Variants in MIR2052HG observed in about 807,000 individuals in gnomAD.
MIR2052HG encodes MIR2052 host gene.
At chr8:74,634,971 T>C (rs1393078061) in intron 2 of MIR2052HG, among the ~76,000 whole-genome samples, 1 of 152,136 alleles carries the variant, frequency 6.6e-6, no homozygotes, top group African/African-American at 2.4e-5. Context: ...AGAAGGAAAA[T>C]GTATATTCAT....
At chr8:74,704,118 A>AT (rs200287138) in intron 4 of MIR2052HG, among the ~76,000 whole-genome samples, 19 of 151,660 alleles carry the variant, frequency 1.3e-4, no homozygotes, top group Non-Finnish European at 1.8e-4. Flanking sequence ...TAGATCTGTG[A>AT]TTTTTTTTCT....
intron 2 of MIR2052HG, among the ~76,000 whole-genome samples, chr8:74,701,031 A>G (rs998588334): frequency 2.0e-5 from 3 of 152,152 alleles, no homozygotes; most frequent in Non-Finnish European, 4.4e-5. Context: ...AATACAGTAT[A>G]AGAGCACTTT....
chr8:74,614,156 G>T (rs777979747), intron 2 of MIR2052HG, among the ~76,000 whole-genome samples: 1 of 152,296 alleles, frequency 6.6e-6, no homozygotes, highest in African/African-American at 2.4e-5. Flanking sequence ...CTTGGAAACA[G>T]TGGCAACAGT....
At chr8:74,753,232 C>T (rs900206583) in intron 5 of MIR2052HG, among the ~76,000 whole-genome samples, 3 of 152,170 alleles carry the variant, frequency 2.0e-5, no homozygotes, top group Non-Finnish European at 4.4e-5. Flanking sequence ...ATTAAGTCTT[C>T]GTTACACCAA....
intron 5 of MIR2052HG, chr8:74,756,538 G>A (rs971635763): frequency 8.5e-5 from 13 of 152,272 alleles, no homozygotes; most frequent in African/African-American, 3.1e-4. Flanking sequence ...TGTGAAATAG[G>A]TATTTTTCAT....
At chr8:74,684,729 T>A (rs1809161801) in intron 2 of MIR2052HG, among the ~76,000 whole-genome samples, 1 of 152,160 alleles carries the variant, frequency 6.6e-6, no homozygotes, top group Non-Finnish European at 1.5e-5. Context: ...ATCACTAAGG[T>A]GGTAGAAATC....
At chr8:74,709,867 TG>T (rs1809448844) in intron 4 of MIR2052HG, among the ~76,000 whole-genome samples, 2 of 152,196 alleles carry the variant, frequency 1.3e-5, no homozygotes, top group African/African-American at 4.8e-5. Context: ...CTTGTATTTT[TG>T]TATGGATTTT....
chr8:74,656,746 C>T (rs995722529), intron 2 of MIR2052HG, among the ~76,000 whole-genome samples: 1 of 152,188 alleles, frequency 6.6e-6, no homozygotes, highest in African/African-American at 2.4e-5. Context: ...GGCAAGGTGA[C>T]TGTACCAGAG....
intron 1 of MIR2052HG, among the ~76,000 whole-genome samples, chr8:74,600,383 G>A (rs1236316764): frequency 2.0e-5 from 3 of 151,046 alleles, no homozygotes; most frequent in Non-Finnish European, 3.0e-5. Flanking sequence ...TCAGGAGTTC[G>A]AGACTAGCTG....
intron 1 of MIR2052HG, among the ~76,000 whole-genome samples, chr8:74,601,234 C>A (rs1334699519): frequency 3.9e-5 from 6 of 152,230 alleles, no homozygotes; most frequent in Non-Finnish European, 5.9e-5. Flanking sequence ...TACCATTTGT[C>A]TGTAATCATT....
At chr8:74,678,147 A>G (rs559012334) in intron 2 of MIR2052HG, among the ~76,000 whole-genome samples, 14 of 152,226 alleles carry the variant, frequency 9.2e-5, no homozygotes, top group Non-Finnish European at 1.9e-4. Flanking sequence ...TTAATTGAAT[A>G]CCTAGTAAAA....
exon 2 of MIR2052HG, chr8:74,612,889 C>A (rs1334287801): frequency 2.2e-6 from 1 of 456,168 alleles, no homozygotes; most frequent in South Asian, 1.5e-5. Context: ...ACAAAGGTGG[C>A]AGCTTTGGAG....
chr8:74,723,037 A>G (rs1318428280), intron 4 of MIR2052HG, among the ~76,000 whole-genome samples: 1 of 152,210 alleles, frequency 6.6e-6, no homozygotes, highest in African/African-American at 2.4e-5. Context: ...TCAGCTCTTG[A>G]ATTTCATGAT....
intron 2 of MIR2052HG, among the ~76,000 whole-genome samples, chr8:74,691,573 A>T (rs1484160336): frequency 6.6e-6 from 1 of 152,174 alleles, no homozygotes; most frequent in Non-Finnish European, 1.5e-5. Flanking sequence ...AGCTGCGAAC[A>T]ATGTTTAAAC....
At chr8:74,668,184 G>T (rs16938934) in intron 2 of MIR2052HG, among the ~76,000 whole-genome samples, 16,420 of 151,340 alleles carry the variant, frequency 0.11, 2,064 homozygotes, top group African/African-American at 0.31. Flanking sequence ...CATTGCTTTT[G>T]CCAGAGTGCA....
intron 4 of MIR2052HG, among the ~76,000 whole-genome samples, chr8:74,709,369 T>C (rs557839762): frequency 1.6e-4 from 25 of 152,140 alleles, no homozygotes; most frequent in African/African-American, 5.8e-4. Flanking sequence ...GACCAAATTA[T>C]GGAGAGTATT....
intron 2 of MIR2052HG, among the ~76,000 whole-genome samples, chr8:74,663,510 T>C (rs1586907152): frequency 6.6e-6 from 1 of 152,254 alleles, no homozygotes; most frequent in East Asian, 1.9e-4. Context: ...TTGAGATAGT[T>C]AGCTTTGCAA....
chr8:74,757,013 G>A (rs1810012058), intron 5 of MIR2052HG: 1 of 152,270 alleles, frequency 6.6e-6, no homozygotes, highest in Non-Finnish European at 1.5e-5. Context: ...TACTGAATGT[G>A]TGAATGAGAT....
chr8:74,708,230 C>G (rs1809430606), intron 4 of MIR2052HG, among the ~76,000 whole-genome samples: 1 of 152,278 alleles, frequency 6.6e-6, no homozygotes, highest in South Asian at 2.1e-4. Context: ...AAGGAGTCAT[C>G]ATCTGAATGG....
Sources: gnomAD v4.1 joint callset for allele counts (sites outside exome capture counted in the v4.1 genomes callset) on GRCh38, gnomAD v4.1.1 for gene constraint, MANE v1.5 for transcripts, NCBI Gene and HGNC (gene_info 2026-07-23, HGNC 2026-07-21) for gene names.